Variants in CAMTA1 observed in about 807,000 individuals in gnomAD.
CAMTA1 encodes calmodulin binding transcription activator 1, also known as calmodulin-binding transcription activator 1.
Under a neutral mutation model 170.9 loss-of-function variants are expected in CAMTA1, and 27 were observed. The ratio of observed to expected loss-of-function variants is 0.16; its 90% CI spans 0.12 to 0.22. CAMTA1 has a LOEUF of 0.22. CAMTA1 is among the 10% of genes least tolerant of loss of function. The pLI is 1.00. For missense variants in CAMTA1, 1,619 were observed against 2,217.2 expected, an observed-to-expected ratio of 0.73 and a Z score of 5.42; for synonymous variants, 833 against 891.5, an observed-to-expected ratio of 0.93 and a Z score of 1.17.
intron 5 of CAMTA1, among the ~76,000 whole-genome samples, chr1:7,338,890 A>G (rs1488973798): frequency 2.6e-5 from 4 of 152,242 alleles, no homozygotes; most frequent in African/African-American, 9.6e-5. Flanking sequence ...ACAGTTCCGC[A>G]GGCTGTACAG....
At position 7,492,743 on chromosome 1, in the gene CAMTA1, G is replaced by A. The variant is rs111203653; in HGVS notation, c.510+24842G>A. Among the ~76,000 whole-genome samples, 326 of 126,440 alleles carry A rather than the reference G, an allele frequency of 2.6e-3. 12 individuals carry two copies. Among genetic ancestry groups the A allele is most frequent in the African/African-American group, 9.8e-3 (305 of 31,072 alleles). 82.9% of individuals were successfully genotyped at this position (126,440 alleles called of 152,430 possible). A position where few individuals can be genotyped will look rare whatever the true frequency, so the allele number is the denominator to read the frequency against. On this transcript the variant is annotated intron_variant, in intron 6 of 22. Coordinates refer to ENST00000303635, the MANE Select transcript of CAMTA1 (RefSeq NM_015215.4). ...CAAACACAAACCTACATACACACAC[G>A]CGCGCACACACACACAAACCTACAT...
intron 6 of CAMTA1, among the ~76,000 whole-genome samples, chr1:7,603,918 A>G (rs2095466250): frequency 6.6e-6 from 1 of 152,112 alleles, no homozygotes; most frequent in Non-Finnish European, 1.5e-5. Flanking sequence ...TCTGTAAAGT[A>G]TTTTATTTCT....
chr1:7,484,778 G>C (rs538389968), intron 6 of CAMTA1, among the ~76,000 whole-genome samples: 41 of 151,836 alleles, frequency 2.7e-4, no homozygotes, highest in African/African-American at 9.9e-4. Flanking sequence ...GACAGAGCGA[G>C]ACTATGTCTC....
At chr1:7,111,079 TC>T (rs1237372484) in intron 4 of CAMTA1, among the ~76,000 whole-genome samples, 1 of 152,142 alleles carries the variant, frequency 6.6e-6, no homozygotes, top group Non-Finnish European at 1.5e-5. Context: ...CTGGGTCCCT[TC>T]CCCCATCTTG....
intron 5 of CAMTA1, among the ~76,000 whole-genome samples, chr1:7,256,702 T>C (rs1246958304): frequency 6.6e-6 from 1 of 152,170 alleles, no homozygotes; most frequent in East Asian, 1.9e-4. Context: ...GATCATAGAC[T>C]GGGTGGCTTA....
At chr1:7,556,996 G>A (rs1327656966) in intron 6 of CAMTA1, among the ~76,000 whole-genome samples, 2 of 152,148 alleles carry the variant, frequency 1.3e-5, no homozygotes, top group East Asian at 1.9e-4. Flanking sequence ...AGGAGATGGA[G>A]CATCTTAACC....
Position 7,456,900 on chromosome 1 carries a change from C to T in CAMTA1, c.439-10930C>T, listed in dbSNP as rs538610637. Among the ~76,000 whole-genome samples, 1 of 152,206 alleles carries T rather than the reference C, an allele frequency of 6.6e-6. No individual in the cohort carries two copies. The highest frequency in any genetic ancestry group is 1.5e-5 in the Non-Finnish European group (1 of 68,026). ...CAGCAGGCGCTAGAGCTGACGAGAA[C>T]AGCCCATGTGGAGCGTGCAGCAAGG... On this transcript the variant is annotated intron_variant, in intron 5 of 22. Transcript: ENST00000303635. The surrounding 1 kb of genome is among the most constrained non-coding windows in gnomAD (Gnocchi z 4.9).
At chr1:7,290,821 C>T (rs966166032) in intron 5 of CAMTA1, among the ~76,000 whole-genome samples, 2 of 152,102 alleles carry the variant, frequency 1.3e-5, no homozygotes, top group African/African-American at 4.8e-5. Context: ...AAACCCCTAA[C>T]ATTTATTCCA....
intron 5 of CAMTA1, among the ~76,000 whole-genome samples, chr1:7,280,072 G>T (rs928910230): frequency 6.6e-6 from 1 of 152,138 alleles, no homozygotes; most frequent in Non-Finnish European, 1.5e-5. Context: ...CTCTTTGGAT[G>T]CCTTTATCCT....
chr1:7,744,484 G>A (rs978865559), intron 16 of CAMTA1, among the ~76,000 whole-genome samples: 2 of 152,106 alleles, frequency 1.3e-5, no homozygotes, highest in Non-Finnish European at 2.9e-5. Context: ...TATTGGTTAT[G>A]TAACTAATAG....
At chr1:7,401,222 A>G (rs941963456) in intron 5 of CAMTA1, among the ~76,000 whole-genome samples, 12 of 152,210 alleles carry the variant, frequency 7.9e-5, no homozygotes, top group African/African-American at 2.9e-4. Flanking sequence ...TTTTCTTTTT[A>G]ATGTATGGGT....
intron 3 of CAMTA1, among the ~76,000 whole-genome samples, chr1:6,825,626 G>C (rs546193191): frequency 6.6e-6 from 1 of 152,300 alleles, no homozygotes; most frequent in African/African-American, 2.4e-5. Flanking sequence ...GTTGGAAAGG[G>C]CAGGTTTCAT....
chr1:7,451,955 C>T (rs1243922265), intron 5 of CAMTA1, among the ~76,000 whole-genome samples: 1 of 152,136 alleles, frequency 6.6e-6, no homozygotes, highest in Non-Finnish European at 1.5e-5. Flanking sequence ...GCAGGTGGGC[C>T]CCTTAGAAGC....
intron 4 of CAMTA1, among the ~76,000 whole-genome samples, chr1:7,095,488 G>A (rs192355173): frequency 4.1e-4 from 62 of 152,314 alleles, no homozygotes; most frequent in African/African-American, 8.7e-4. Flanking sequence ...TGGAAGGTAC[G>A]TGCCCTCCTG....
intron 6 of CAMTA1, among the ~76,000 whole-genome samples, chr1:7,552,744 G>A (rs2094820052): frequency 6.6e-6 from 1 of 152,250 alleles, no homozygotes; most frequent in Non-Finnish European, 1.5e-5. Context: ...ATGGTGCACT[G>A]CAGCAAAGCA....
At chr1:7,546,734 T>A (rs961787554) in intron 6 of CAMTA1, among the ~76,000 whole-genome samples, 1 of 152,218 alleles carries the variant, frequency 6.6e-6, no homozygotes. Flanking sequence ...TGGTTTTGAT[T>A]TGCATTTCCC....
intron 6 of CAMTA1, among the ~76,000 whole-genome samples, chr1:7,480,197 ATG>A (rs1364376181): frequency 1.2e-5 from 1 of 84,022 alleles, no homozygotes; most frequent in Non-Finnish European, 2.1e-5. Context: ...ATGTGTGTGC[ATG>A]TGTGTGAGTG....
chr1:7,662,523 G>A (rs2095969050), intron 8 of CAMTA1, among the ~76,000 whole-genome samples: 1 of 152,186 alleles, frequency 6.6e-6, no homozygotes, highest in Non-Finnish European at 1.5e-5. Flanking sequence ...CAAAAGTAAA[G>A]TGACCCTTAT....
rs1001267102 is a variant in CAMTA1 at position 6,934,120 on chromosome 1, A to G, written c.234+108910A>G. ...GCCACACCGGTGGGTGTAGGACCAT[A>G]TGAGTGACTGAGGGGCCAGCGCCCG... is the stretch of plus-strand genomic sequence containing the variant. On this transcript the variant is annotated intron_variant, in intron 3 of 22. Coordinates refer to ENST00000303635, the MANE Select transcript of CAMTA1 (RefSeq NM_015215.4). The surrounding 1 kb of genome is among the most constrained non-coding windows in gnomAD (Gnocchi z 4.5). Among the ~76,000 whole-genome samples, 1 of 152,146 alleles carries G rather than the reference A, an allele frequency of 6.6e-6. No homozygotes were observed. Among genetic ancestry groups the G allele is most frequent in the Non-Finnish European group, 1.5e-5 (1 of 68,032 alleles).
Sources: allele counts gnomAD v4.1 joint callset (sites outside exome capture counted in the v4.1 genomes callset), GRCh38; gene constraint gnomAD v4.1.1; non-coding constraint Gnocchi (gnomAD v3.1); transcripts MANE v1.5; gene names NCBI Gene and HGNC (gene_info 2026-07-23, HGNC 2026-07-21).